Variants in IL17REL observed in about 807,000 individuals in gnomAD.
IL17REL encodes interleukin-17 receptor E-like protein.
Under a neutral mutation model 49.0 loss-of-function variants are expected in IL17REL, and 36 were observed. That is an observed-to-expected ratio of 0.73 (90% CI 0.56 to 0.97). IL17REL has a LOEUF of 0.97. Ranked by LOEUF, IL17REL falls within the 50% of genes least tolerant of loss-of-function variation. IL17REL has a pLI of 0.00. For missense variants in IL17REL, 470 were observed against 453.9 expected, an observed-to-expected ratio of 1.04 and a Z score of -0.32; for synonymous variants, 206 against 192.4, an observed-to-expected ratio of 1.07 and a Z score of -0.58.
At chr22:50,001,100 C>T (rs1414357623) in exon 2 of IL17REL, 8 of 1,592,096 alleles carry the variant, frequency 5.0e-6, no homozygotes, top group African/African-American at 2.7e-5. Context: ...GTGATGGAGG[C>T]GCGTACACGC....
Position 49,998,216 on chromosome 22 carries a change from T to TG in IL17REL, c.694dup (p.His232ProfsTer16). The TG allele has an allele frequency of 6.2e-7, 1 of 1,612,466 alleles. No homozygotes were observed. The highest frequency in any genetic ancestry group is 8.5e-7 in the Non-Finnish European group (1 of 1,179,848). On this transcript the variant is annotated frameshift_variant, in exon 8 of 13. Transcript: ENST00000341280. LOFTEE classifies it high-confidence loss of function. ...CCCCGGGCGCCAGCACAGGCTCACA[T>TG]GGCCACTCACAGGGCAGGCGGGCTC...
At chr22:50,007,609 C>T (rs980372933) in intron 1 of IL17REL, among the ~76,000 whole-genome samples, 1 of 152,004 alleles carries the variant, frequency 6.6e-6, no homozygotes, top group Non-Finnish European at 1.5e-5. Flanking sequence ...GAACTCCTGA[C>T]GTCAGGTGAT....
At chr22:49,994,431 T>C (rs1244123698), downstream of IL17REL, 1 of 152,290 alleles carries the variant, frequency 6.6e-6, no homozygotes, top group East Asian at 1.9e-4. Flanking sequence ...TGCTCTTGGG[T>C]CCAGCCTGGT....
chr22:50,008,139 A>C (rs2061119834), intron 1 of IL17REL, among the ~76,000 whole-genome samples: 1 of 152,206 alleles, frequency 6.6e-6, no homozygotes. Flanking sequence ...TGCCTAGAGC[A>C]ATGTTTGCCT....
intron 5 of IL17REL, among the ~76,000 whole-genome samples, 159 bp from the exon 8 acceptor site, chr22:49,999,661 T>C (rs1201527908): frequency 9.1e-6 from 1 of 109,758 alleles, no homozygotes; most frequent in African/African-American, 3.2e-5. Flanking sequence ...GGCCCAGGCC[T>C]GGCCGGGGGC....
chr22:49,998,482 G>A (rs2061051429), intron 7 of IL17REL, among the ~76,000 whole-genome samples, 173 bp from the exon 10 acceptor site: 1 of 152,222 alleles, frequency 6.6e-6, no homozygotes, highest in Non-Finnish European at 1.5e-5. Flanking sequence ...ATGTGCATGT[G>A]TGTGGATATG....
rs1465021213 is a variant in IL17REL at position 49,999,978 on chromosome 22, C to T, written c.335-11G>A. On this transcript the variant is annotated splice_polypyrimidine_tract_variant and intron_variant, in intron 4 of 12. Coordinates refer to ENST00000341280, the Ensembl canonical transcript of IL17REL. ...AGCTGAGCTTCCCCGCTGCAGGAGGCGGCAAGTCGGGGCCGCGCTGGGACC... is the reference window on the plus strand; with the variant it reads ...AGCTGAGCTTCCCCGCTGCAGGAGGTGGCAAGTCGGGGCCGCGCTGGGACC... The T allele has an allele frequency of 6.7e-7, 1 of 1,497,426 alleles. No individual in the cohort carries two copies. The highest frequency in any genetic ancestry group is 2.7e-5 in the East Asian group (1 of 36,728). 92.8% of individuals were successfully genotyped at this position (1,497,426 alleles called of 1,614,324 possible).
rs371022898 is a variant in IL17REL, at chr22:49,999,367, G to A, written c.547-22C>T. 3.8e-5 allele frequency: 61 copies of A among 1,612,758 alleles called. No individual in the cohort carries two copies. In the African/African-American group the frequency reaches 6.5e-4, roughly 17 times the overall value. On this transcript the variant is annotated intron_variant, in intron 6 of 12. Transcript: ENST00000341280. ...AGCCCTGTGGGAGGGGCTGGGGTCA[G>A]CGCAGCCCACCCATCCCTGTGCTCC...
intron 1 of IL17REL, among the ~76,000 whole-genome samples, chr22:50,003,375 G>T (rs552453754): frequency 2.0e-5 from 3 of 152,128 alleles, no homozygotes; most frequent in East Asian, 1.9e-4. Flanking sequence ...ACAAAAATTA[G>T]CCAGATGTGG....
downstream of IL17REL, among the ~76,000 whole-genome samples, chr22:49,992,309 G>A (rs1039974530): frequency 3.9e-5 from 6 of 152,178 alleles, no homozygotes; most frequent in South Asian, 2.1e-4. Flanking sequence ...GCTGACTCTC[G>A]CTGCTCTTCC....
At chr22:49,997,256 G>A (rs1474937000) in intron 11 of IL17REL, 64 bp downstream of exon 13, 2 of 1,527,332 alleles carry the variant, frequency 1.3e-6, no homozygotes, top group Non-Finnish European at 1.8e-6. Context: ...CCACAGGGAA[G>A]TGATGGGGTC....
chr22:50,008,695 G>A, upstream of IL17REL: 1 of 152,578 alleles, frequency 6.6e-6, no homozygotes, highest in Non-Finnish European at 1.5e-5. Context: ...GGGGTGAGCG[G>A]CTGAGGGCAC....
intron 10 of IL17REL, 68 bp downstream of exon 12, chr22:49,997,617 C>T: frequency 6.6e-7 from 1 of 1,525,618 alleles, no homozygotes; most frequent in Non-Finnish European, 9.1e-7. Flanking sequence ...CCTCCCTGAC[C>T]AGCACAGAGT....
At chr22:50,007,816 T>A (rs1273837286) in intron 1 of IL17REL, among the ~76,000 whole-genome samples, 1 of 150,796 alleles carries the variant, frequency 6.6e-6, no homozygotes, top group African/African-American at 2.4e-5. Context: ...TTAAGTAAAG[T>A]TTAGCCATCT....
chr22:49,998,190 G>A, exon 8 of IL17REL: 1 of 1,611,410 alleles, frequency 6.2e-7, no homozygotes, highest in Non-Finnish European at 8.5e-7. Context: ...CCGGCCCCCG[G>A]CCCCGGGCGC....
chr22:49,997,466 G>A (rs769928001), intron 10 of IL17REL: 8 of 1,559,962 alleles, frequency 5.1e-6, no homozygotes, highest in South Asian at 3.4e-5. Flanking sequence ...GGCGAAGGCT[G>A]GATGGTCATT....
chr22:50,008,770 A>G (rs145724174), upstream of IL17REL: 715 of 152,930 alleles, frequency 4.7e-3, 1 homozygote, highest in Non-Finnish European at 7.8e-3. Context: ...GCTGCCCTGA[A>G]TCCTGGCTTC....
At chr22:50,003,512 T>G (rs535030129) in intron 1 of IL17REL, among the ~76,000 whole-genome samples, 186 of 97,210 alleles carry the variant, frequency 1.9e-3, no homozygotes, top group African/African-American at 7.7e-3. Context: ...AGAGTGAGAC[T>G]CCATCTCAAA....
At chr22:50,003,398 G>A (rs1159296814) in intron 1 of IL17REL, among the ~76,000 whole-genome samples, 1 of 151,700 alleles carries the variant, frequency 6.6e-6, no homozygotes, top group Non-Finnish European at 1.5e-5. Flanking sequence ...GCTCACGCCT[G>A]TAATCCCAGC....
Sources: gnomAD v4.1 joint callset for allele counts (sites outside exome capture counted in the v4.1 genomes callset) on GRCh38, gnomAD v4.1.1 for gene constraint, MANE v1.5 for transcripts, NCBI Gene and HGNC (gene_info 2026-07-23, HGNC 2026-07-21) for gene names.